MBD5: variants seen among roughly 807,000 people sequenced by gnomAD.
MBD5 encodes methyl-CpG binding domain protein 5, also known as methyl-CpG-binding domain protein 5.
In MBD5, 13 loss-of-function variants were observed where a neutral mutation model predicts 117.3. That is an observed-to-expected ratio of 0.11 (90% CI 0.07 to 0.18). The LOEUF is 0.18. Ranked by LOEUF, MBD5 falls within the 10% of genes least tolerant of loss-of-function variation. The pLI is 1.00. For missense variants in MBD5, 1,879 were observed against 2,093.8 expected, an observed-to-expected ratio of 0.90 and a Z score of 2.00; for synonymous variants, 727 against 766.4, an observed-to-expected ratio of 0.95 and a Z score of 0.85.
At chr2:148,304,442 C>CA (rs1445708525) in intron 3 of MBD5, among the ~76,000 whole-genome samples, 1 of 152,152 alleles carries the variant, frequency 6.6e-6, no homozygotes, top group Non-Finnish European at 1.5e-5. Flanking sequence ...ATCACTGAAT[C>CA]AATTCTAGTA....
chr2:148,023,745 A>C (rs1693828270), intron 1 of MBD5, among the ~76,000 whole-genome samples: 1 of 151,936 alleles, frequency 6.6e-6, no homozygotes, highest in South Asian at 2.1e-4. Flanking sequence ...CTTGAGTTTA[A>C]TGTCTTTCCT....
intron 4 of MBD5, among the ~76,000 whole-genome samples, chr2:148,438,614 A>T (rs1574423620): frequency 6.6e-6 from 1 of 152,184 alleles, no homozygotes; most frequent in Non-Finnish European, 1.5e-5. Flanking sequence ...GAGAATATGT[A>T]TATAGATATA....
intron 1 of MBD5, among the ~76,000 whole-genome samples, chr2:148,057,723 G>T (rs1023216577): frequency 1.3e-5 from 2 of 151,874 alleles, no homozygotes; most frequent in African/African-American, 4.8e-5. Context: ...TTAACCAAAT[G>T]AATTTGCAGT....
chr2:148,232,822 A>C (rs1700021046), intron 2 of MBD5, among the ~76,000 whole-genome samples: 1 of 152,108 alleles, frequency 6.6e-6, no homozygotes, highest in African/African-American at 2.4e-5. Flanking sequence ...TTTTTGTTCT[A>C]GATTTTTCCC....
Position 148,292,617 on chromosome 2 carries a change from T to A in MBD5, c.-679-49597T>A, listed in dbSNP as rs185520296. On this transcript the variant is annotated intron_variant, in intron 3 of 13. Coordinates refer to ENST00000642680, the MANE Select transcript of MBD5 (RefSeq NM_001378120.1). ...AAAGGGAACCCTCCTACAATGTTGG[T>A]GGGAGTGCAAGTTAGTACAGCCACT... Among the ~76,000 whole-genome samples, 288 of 152,276 alleles carry A rather than the reference T, an allele frequency of 1.9e-3. 1 individual carries two copies. Among genetic ancestry groups the A allele is most frequent in the African/African-American group, 6.5e-3 (270 of 41,556 alleles).
At chr2:148,275,758 C>T (rs1701091895) in intron 3 of MBD5, among the ~76,000 whole-genome samples, 1 of 151,944 alleles carries the variant, frequency 6.6e-6, no homozygotes, top group Admixed American at 6.6e-5. Flanking sequence ...ACCATCACAG[C>T]CTGGAAATCA....
intron 1 of MBD5, among the ~76,000 whole-genome samples, chr2:148,145,228 C>T (rs966618388): frequency 8.5e-5 from 13 of 152,072 alleles, no homozygotes; most frequent in Non-Finnish European, 1.8e-4. Context: ...TGGGAGTTCC[C>T]TCATGTTTTG....
intron 3 of MBD5, among the ~76,000 whole-genome samples, chr2:148,246,413 G>GTACA (rs1190835777): frequency 6.6e-5 from 10 of 152,028 alleles, no homozygotes; most frequent in Admixed American, 6.6e-4. Flanking sequence ...TGTATTATGT[G>GTACA]TACATGTTAA....
At chr2:148,184,901 C>T (rs1011200756) in intron 2 of MBD5, among the ~76,000 whole-genome samples, 4 of 152,190 alleles carry the variant, frequency 2.6e-5, no homozygotes, top group African/African-American at 9.7e-5. Context: ...CACCATCTCT[C>T]CGCTTCTCCC....
At chr2:148,052,140 T>C (rs559409211) in intron 1 of MBD5, among the ~76,000 whole-genome samples, 1 of 151,888 alleles carries the variant, frequency 6.6e-6, no homozygotes, top group Admixed American at 6.6e-5. Flanking sequence ...TTCTCTTTTG[T>C]TCTAGCCTCA....
rs143952512 is a variant in MBD5 at position 148,458,783 on chromosome 2, G to T, written c.25G>T (p.Gly9Ter). MNGGKECD[G>*]GDKEGGLPAI... ...AATGAATGGAGGCAAAGAGTGTGAC[G>T]GAGGGGACAAGGAAGGAGGTCTTCC... Residue 9 changes from glycine (G) to a stop codon, truncating the protein, a stop_gained, in exon 5 of 14, where the codon GGA (glycine) becomes TGA (stop). Transcript: ENST00000642680. LOFTEE classifies it high-confidence loss of function. The T allele has an allele frequency of 6.2e-7, 1 of 1,613,548 alleles. No individual in the cohort carries two copies. Among genetic ancestry groups the T allele is most frequent in the Non-Finnish European group, 8.5e-7 (1 of 1,179,632 alleles).
intron 3 of MBD5, among the ~76,000 whole-genome samples, chr2:148,335,521 C>A (rs893027108): frequency 1.3e-5 from 2 of 152,010 alleles, no homozygotes; most frequent in Non-Finnish European, 2.9e-5. Flanking sequence ...GAGTATGAGA[C>A]CAGCTTGGGC....
intron 4 of MBD5, among the ~76,000 whole-genome samples, chr2:148,434,854 G>A (rs749664367): frequency 1.3e-5 from 2 of 151,226 alleles, no homozygotes; most frequent in African/African-American, 4.9e-5. Context: ...TCAGTGAGTT[G>A]TTGTGTGGGA....
chr2:148,305,031 C>G (rs1249910628), intron 3 of MBD5, among the ~76,000 whole-genome samples: 1 of 151,014 alleles, frequency 6.6e-6, no homozygotes, highest in African/African-American at 2.4e-5. Context: ...CGCCACTGCA[C>G]TCCAGCCTGG....
intron 3 of MBD5, among the ~76,000 whole-genome samples, chr2:148,269,601 C>G (rs1351787763): frequency 6.6e-6 from 1 of 150,436 alleles, no homozygotes; most frequent in East Asian, 1.9e-4. Flanking sequence ...TTTCTGGAAG[C>G]CTTTAAGATC....
intron 2 of MBD5, among the ~76,000 whole-genome samples, chr2:148,229,739 A>G (rs77910278): frequency 1.4e-3 from 219 of 152,302 alleles, no homozygotes; most frequent in South Asian, 6.8e-3. Flanking sequence ...TGGTAATGCT[A>G]TAGTTCTTAC....
chr2:148,198,891 G>C (rs899959313), intron 2 of MBD5, among the ~76,000 whole-genome samples: 9 of 151,672 alleles, frequency 5.9e-5, no homozygotes, highest in Admixed American at 4.6e-4. Flanking sequence ...TATTGTTCAG[G>C]GTTCTCCAGA....
intron 1 of MBD5, among the ~76,000 whole-genome samples, chr2:148,086,727 C>CTG (rs1695803541): frequency 6.6e-6 from 1 of 152,098 alleles, no homozygotes; most frequent in Non-Finnish European, 1.5e-5. Context: ...CCTGTCTTCA[C>CTG]TGTTCTCTTC....
At chr2:148,037,819 T>C (rs1694236129) in intron 1 of MBD5, among the ~76,000 whole-genome samples, 1 of 151,928 alleles carries the variant, frequency 6.6e-6, no homozygotes, top group Non-Finnish European at 1.5e-5. Flanking sequence ...TGCCAGTTAT[T>C]CACCTATGAA....
Sources: allele counts gnomAD v4.1 joint callset (sites outside exome capture counted in the v4.1 genomes callset), GRCh38; gene constraint gnomAD v4.1.1; transcripts MANE v1.5; gene names NCBI Gene and HGNC (gene_info 2026-07-23, HGNC 2026-07-21).